The following KANK4 variants were observed in gnomAD, a reference collection of about 807,000 sequenced individuals.
The protein encoded by KANK4 is KN motif and ankyrin repeat domains 4, also known as KN motif and ankyrin repeat domain-containing protein 4.
KANK4 carries 50 observed loss-of-function variants against 80.8 expected under a neutral mutation model. The ratio of observed to expected loss-of-function variants is 0.62; its 90% CI spans 0.49 to 0.78. The LOEUF (loss-of-function observed/expected upper bound fraction) is 0.78. Ranked by LOEUF, KANK4 falls within the 30% of genes least tolerant of loss-of-function variation. The pLI, the probability that KANK4 is intolerant of heterozygous loss-of-function variation, is 0.00. For missense variants in KANK4, 1,196 were observed against 1,240.1 expected (o/e 0.96, Z 0.53); for synonymous variants, 465 against 506.9 (o/e 0.92, Z 1.11).
Position 62,273,828 on chromosome 1 carries a change from C to T in KANK4, c.1276G>A (p.Glu426Lys), listed in dbSNP as rs1571003350. 2 of 1,614,076 alleles carry T rather than the reference C, an allele frequency of 1.2e-6. No individual in the cohort carries two copies. Among genetic ancestry groups the T allele is most frequent in the Non-Finnish European group, 1.7e-6 (2 of 1,180,038 alleles). ...ACTTCAATGCCCTTATCACACGACT[C>T]CCTGGTCAAGAGTCCATGGACAGGG... ...TDPVHGLLTR[E>K]SCDKGIEVNL... The change falls in exon 3 of 10, where the codon GAG (glutamate) becomes AAG (lysine). Residue 426 changes from glutamate (E) to lysine (K), a missense_variant. Physicochemically the swap from Glu to Lys is moderately conservative, Grantham distance 56. Coordinates refer to ENST00000371153, the MANE Select transcript of KANK4 (RefSeq NM_181712.5).
chr1:62,263,385 C>G (rs1258267539), intron 6 of KANK4, 74 bp from the exon 7 acceptor site: 3 of 1,237,644 alleles, frequency 2.4e-6, no homozygotes, highest in Non-Finnish European at 3.4e-6. Flanking sequence ...CAAGGAAAGA[C>G]AGCTTTGGCC....
At chr1:62,300,430 C>T (rs1369076324) in intron 1 of KANK4, among the ~76,000 whole-genome samples, 1 of 152,068 alleles carries the variant, frequency 6.6e-6, no homozygotes, top group Admixed American at 6.5e-5. Flanking sequence ...GAGACCTAAA[C>T]AAGGACCTAT....
rs1671934870 is a variant in KANK4, at chr1:62,263,232, G to A, written c.2399C>T (p.Ser800Phe). The A allele has an allele frequency of 6.2e-7, 1 of 1,613,914 alleles. No homozygotes were observed. Among genetic ancestry groups the A allele is most frequent in the Non-Finnish European group, 8.5e-7 (1 of 1,179,962 alleles). The part of the protein sequence containing the change: ...RKSSSPAVVA[S>F]YLHEVQPHSP... ...GTGAGGCTGGACCTCGTGGAGGTAGGAGGCCACCACGGCGGGGCTAGACGA... is the reference window on the plus strand; with the variant it reads ...GTGAGGCTGGACCTCGTGGAGGTAGAAGGCCACCACGGCGGGGCTAGACGA... The change falls in exon 7 of 10, where the codon TCC becomes TTC. Residue 800 changes from serine to phenylalanine, a missense_variant. Around this residue, in one of 3 missense-constraint regions of KANK4, gnomAD observed 1,154 missense variants for 1,179.6 expected, o/e 0.98. Coordinates refer to ENST00000371153, the MANE Select transcript of KANK4 (RefSeq NM_181712.5).
chr1:62,297,644 A>G (rs1644377677), intron 1 of KANK4, among the ~76,000 whole-genome samples: 1 of 152,228 alleles, frequency 6.6e-6, no homozygotes, highest in East Asian at 1.9e-4. Context: ...ATTAAACATC[A>G]GGCGATTATT....
intron 9 of KANK4, among the ~76,000 whole-genome samples, chr1:62,242,202 A>G (rs1671358070): frequency 6.6e-6 from 1 of 152,006 alleles, no homozygotes; most frequent in Non-Finnish European, 1.5e-5. Flanking sequence ...CAGGGATTCA[A>G]GAATCTGCAC....
At position 62,308,790 on chromosome 1, in the gene KANK4, T is replaced by C. The variant is rs565420959; in HGVS notation, c.-71+10316A>G. 3.3e-5 allele frequency among the ~76,000 whole-genome samples: 5 copies of C among 152,280 alleles called. No individual in the cohort carries two copies. The South Asian group carries it at 1.0e-3, about 32-fold the overall frequency. ...AGAGAACTTGCCTAGAAGGCAACGATCTGGGAAAAATGTCACAGGGCCCAA... is the reference window on the plus strand; with the variant it reads ...AGAGAACTTGCCTAGAAGGCAACGACCTGGGAAAAATGTCACAGGGCCCAA... On this transcript the variant is annotated intron_variant, in intron 1 of 9. Coordinates refer to ENST00000371153, the MANE Select transcript of KANK4 (RefSeq NM_181712.5).
chr1:62,272,376 C>G (rs1262353965), intron 3 of KANK4: 1 of 152,256 alleles, frequency 6.6e-6, no homozygotes, highest in Non-Finnish European at 1.5e-5. Flanking sequence ...GTGAACTATA[C>G]CAGATATCAA....
At chr1:62,289,764 T>C (rs1002020250) in intron 1 of KANK4, among the ~76,000 whole-genome samples, 4 of 152,188 alleles carry the variant, frequency 2.6e-5, no homozygotes, top group African/African-American at 9.7e-5. Flanking sequence ...GAAGTCAACA[T>C]AATTCTGCCA....
At chr1:62,254,910 G>A (rs797019359) in intron 7 of KANK4, among the ~76,000 whole-genome samples, 13 of 122,728 alleles carry the variant, frequency 1.1e-4, no homozygotes, top group Non-Finnish European at 1.8e-4. Flanking sequence ...TTTTTGAGAC[G>A]GAGTCTCGCT....
chr1:62,267,093 G>A (rs1282156884), intron 5 of KANK4, among the ~76,000 whole-genome samples: 1 of 152,122 alleles, frequency 6.6e-6, no homozygotes, highest in East Asian at 1.9e-4. Context: ...CATTTAGGTG[G>A]GGGGTCGTGG....
intron 1 of KANK4, among the ~76,000 whole-genome samples, chr1:62,282,707 C>A (rs975631042): frequency 6.6e-6 from 1 of 152,214 alleles, no homozygotes; most frequent in Admixed American, 6.5e-5. Flanking sequence ...CTTCTTCCTG[C>A]GAGTGCTGCT....
At chr1:62,245,904 G>A (rs1247140351) in intron 9 of KANK4, among the ~76,000 whole-genome samples, 1 of 152,142 alleles carries the variant, frequency 6.6e-6, no homozygotes, top group African/African-American at 2.4e-5. Flanking sequence ...CACTCTACTA[G>A]GTGTGGGAGC....
At chr1:62,261,026 G>C (rs1266753716) in intron 7 of KANK4, among the ~76,000 whole-genome samples, 1 of 152,034 alleles carries the variant, frequency 6.6e-6, no homozygotes, top group Non-Finnish European at 1.5e-5. Context: ...GCCCCAAACT[G>C]AATTATCCTT....
intron 7 of KANK4, among the ~76,000 whole-genome samples, chr1:62,256,383 CCTTT>C (rs1372730233): frequency 1.3e-5 from 2 of 151,806 alleles, no homozygotes; most frequent in South Asian, 2.1e-4. Flanking sequence ...CCACAATTTT[CCTTT>C]CTTTTTTTTT....
At chr1:62,253,400 T>C (rs1157796796) in intron 7 of KANK4, among the ~76,000 whole-genome samples, 191 bp from the exon 8 acceptor site, 2 of 120,332 alleles carry the variant, frequency 1.7e-5, no homozygotes, top group African/African-American at 6.1e-5. Flanking sequence ...TTCTTTTTTT[T>C]CTTTCTTTCT....
At chr1:62,262,314 T>C (rs1671905458) in intron 7 of KANK4, among the ~76,000 whole-genome samples, 1 of 152,148 alleles carries the variant, frequency 6.6e-6, no homozygotes, top group South Asian at 2.1e-4. Flanking sequence ...AATACCCACA[T>C]CACAGGAATG....
intron 1 of KANK4, among the ~76,000 whole-genome samples, chr1:62,295,105 A>G (rs1006358874): frequency 6.6e-6 from 1 of 152,048 alleles, no homozygotes; most frequent in African/African-American, 2.4e-5. Flanking sequence ...GGAGCATAGC[A>G]TAGGCAGACT....
chr1:62,267,028 A>AGT (rs1404894964), intron 5 of KANK4, among the ~76,000 whole-genome samples: 1 of 151,292 alleles, frequency 6.6e-6, no homozygotes, highest in Admixed American at 6.6e-5. Context: ...AGATGAGCCG[A>AGT]GTGTGTTGCC....
At chr1:62,280,425 A>G (rs1672427930) in intron 2 of KANK4, among the ~76,000 whole-genome samples, 2 of 152,222 alleles carry the variant, frequency 1.3e-5, no homozygotes, top group South Asian at 4.1e-4. Flanking sequence ...GACCACTGCC[A>G]GGGATGCACT....
Sources: allele counts gnomAD v4.1 joint callset (sites outside exome capture counted in the v4.1 genomes callset), GRCh38; gene constraint gnomAD v4.1.1; regional missense constraint gnomAD v4.1.1; transcripts MANE v1.5; gene names NCBI Gene and HGNC (gene_info 2026-07-23, HGNC 2026-07-21).